Variants in PINX1 observed in about 807,000 individuals in gnomAD.
PINX1 encodes PIN2 (TERF1) interacting telomerase inhibitor 1, also known as PIN2/TERF1-interacting telomerase inhibitor 1.
PINX1 carries 34 observed loss-of-function variants against 25.4 expected under a neutral mutation model. That is an observed-to-expected ratio of 1.34 (90% confidence interval 1.02 to 1.78). The LOEUF is 1.78. Ranked by LOEUF, PINX1 falls within the 40% of genes most tolerant of loss-of-function variation. PINX1 has a pLI of 0.00. For missense variants in PINX1, 592 were observed against 404.9 expected, an observed-to-expected ratio of 1.46 and a Z score of -3.97; for synonymous variants, 197 against 147.7, an observed-to-expected ratio of 1.33 and a Z score of -2.42.
intron 5 of PINX1, among the ~76,000 whole-genome samples, chr8:10,825,689 G>A (rs898750981): frequency 8.5e-5 from 13 of 152,204 alleles, no homozygotes; most frequent in African/African-American, 3.1e-4. Context: ...GTGGAATAAA[G>A]GGTCAACCAG....
At chr8:10,783,471 G>C (rs1047574277) in intron 6 of PINX1, among the ~76,000 whole-genome samples, 1 of 152,054 alleles carries the variant, frequency 6.6e-6, no homozygotes, top group Admixed American at 6.6e-5. Context: ...TTTCTCTCTG[G>C]AAAGCCTCTG....
intron 6 of PINX1, among the ~76,000 whole-genome samples, chr8:10,773,112 T>C (rs542274467): frequency 2.1e-4 from 32 of 152,336 alleles, no homozygotes; most frequent in African/African-American, 7.7e-4. Context: ...GCTAAGTAAA[T>C]ATTTACTGAA....
chr8:10,794,777 T>C (rs1232598364), intron 6 of PINX1, among the ~76,000 whole-genome samples: 19 of 152,192 alleles, frequency 1.2e-4, no homozygotes, highest in Admixed American at 1.2e-3. Context: ...ATTAGACTTT[T>C]ACGGGTTTAA....
At chr8:10,816,551 C>G (rs1455597711) in intron 6 of PINX1, among the ~76,000 whole-genome samples, 5 of 152,228 alleles carry the variant, frequency 3.3e-5, no homozygotes, top group African/African-American at 4.8e-5. Flanking sequence ...CACCTGGTCA[C>G]ATGCTTGTCA....
chr8:10,798,496 G>A (rs1046881810), intron 6 of PINX1, among the ~76,000 whole-genome samples: 1 of 152,184 alleles, frequency 6.6e-6, no homozygotes, highest in African/African-American at 2.4e-5. Context: ...AAATATAACA[G>A]TGGAAATTAC....
At chr8:10,781,761 A>G (rs1259000279) in intron 6 of PINX1, among the ~76,000 whole-genome samples, 1 of 91,228 alleles carries the variant, frequency 1.1e-5, no homozygotes, top group Non-Finnish European at 2.2e-5. Flanking sequence ...CATACCCTCA[A>G]AGAAAAACAG....
At chr8:10,803,047 A>C (rs1563219588) in intron 6 of PINX1, among the ~76,000 whole-genome samples, 1 of 152,230 alleles carries the variant, frequency 6.6e-6, no homozygotes, top group Non-Finnish European at 1.5e-5. Context: ...GGTGGGACTA[A>C]ATAAATATTA....
chr8:10,815,167 C>T (rs915416718), intron 6 of PINX1, among the ~76,000 whole-genome samples: 1 of 152,128 alleles, frequency 6.6e-6, no homozygotes, highest in Admixed American at 6.5e-5. Flanking sequence ...GTTTCAAACT[C>T]CTGAGCTCAG....
At chr8:10,839,062 G>A (rs115653225) in intron 1 of PINX1, among the ~76,000 whole-genome samples, 154 of 152,282 alleles carry the variant, frequency 1.0e-3, no homozygotes, top group African/African-American at 3.6e-3. Flanking sequence ...GCCATCTGGC[G>A]GCAAGCGACC....
rs1461483808 is a variant in PINX1 at position 10,765,585 on chromosome 8, T to C, written c.803A>G (p.Gln268Arg). The change falls in exon 7 of 7, where the codon CAG becomes CGG. Residue 268 changes from glutamine (Q) to arginine (R), a missense_variant. By Grantham distance (43) the Gln-to-Arg change is conservative. Transcript: ENST00000314787. ...ATCCTGAGCAGAGGCCTTGGAACTC[T>C]GGTCCCAGCAGGGGCCTCTGAGCTG... ...EEQLRGPCWD[Q>R]SSKASAQDAG... 34 of 1,613,630 alleles carry C rather than the reference T, an allele frequency of 2.1e-5. No individual in the cohort carries two copies. The Admixed American group carries it at 5.5e-4, about 26-fold the overall frequency.
intron 6 of PINX1, among the ~76,000 whole-genome samples, chr8:10,781,940 T>C (rs959755359): frequency 4.0e-5 from 6 of 151,040 alleles, no homozygotes; most frequent in African/African-American, 1.5e-4. Context: ...CCTAAGTGTC[T>C]GTCCACAGGT....
chr8:10,785,201 T>G (rs1801710497), intron 6 of PINX1, among the ~76,000 whole-genome samples: 1 of 152,224 alleles, frequency 6.6e-6, no homozygotes, highest in African/African-American at 2.4e-5. Flanking sequence ...TAAAGACAGA[T>G]AAGCATCAAG....
intron 6 of PINX1, among the ~76,000 whole-genome samples, chr8:10,776,293 G>A (rs183263246): frequency 1.3e-5 from 2 of 151,982 alleles, no homozygotes; most frequent in African/African-American, 2.4e-5. Flanking sequence ...GGGTGTGGTG[G>A]TGCAGCCTGT....
intron 6 of PINX1, among the ~76,000 whole-genome samples, chr8:10,802,322 C>A (rs12680846): frequency 0.056 from 8,516 of 152,174 alleles, 594 homozygotes; most frequent in East Asian, 0.3. Context: ...CACAGCAGGT[C>A]ACTCATACAC....
intron 6 of PINX1, among the ~76,000 whole-genome samples, chr8:10,793,595 C>T (rs1801992328): frequency 6.6e-6 from 1 of 152,144 alleles, no homozygotes; most frequent in Non-Finnish European, 1.5e-5. Flanking sequence ...TACCTTTCTA[C>T]CAAAAAGCTT....
At chr8:10,794,201 A>G (rs1347048966) in intron 6 of PINX1, among the ~76,000 whole-genome samples, 1 of 152,220 alleles carries the variant, frequency 6.6e-6, no homozygotes, top group African/African-American at 2.4e-5. Flanking sequence ...GAACCAAAAT[A>G]TTAATGCTCA....
chr8:10,821,054 C>T (rs1797851558), intron 5 of PINX1, among the ~76,000 whole-genome samples: 1 of 152,242 alleles, frequency 6.6e-6, no homozygotes, highest in Non-Finnish European at 1.5e-5. Flanking sequence ...TAGGCCAAAT[C>T]TAGTCCCATT....
chr8:10,833,709 C>T (rs1388727568), intron 2 of PINX1: 2 of 140,448 alleles, frequency 1.4e-5, no homozygotes, highest in Admixed American at 7.5e-5. Flanking sequence ...AGAAGAATGA[C>T]GACTGGGGTG....
chr8:10,773,227 C>G (rs1801285342), intron 6 of PINX1, among the ~76,000 whole-genome samples: 1 of 152,142 alleles, frequency 6.6e-6, no homozygotes, highest in African/African-American at 2.4e-5. Flanking sequence ...CCTTTATATA[C>G]ACACATGTAC....
Sources: allele counts gnomAD v4.1 joint callset (sites outside exome capture counted in the v4.1 genomes callset), GRCh38; gene constraint gnomAD v4.1.1; transcripts MANE v1.5; gene names NCBI Gene and HGNC (gene_info 2026-07-23, HGNC 2026-07-21).